Variants in KRT33A observed in about 807,000 individuals in gnomAD.
The protein encoded by KRT33A is keratin 33A.
Under a neutral mutation model 41.1 loss-of-function variants are expected in KRT33A, and 44 were observed. The observed-to-expected ratio is 1.07, with a 90% CI of 0.84 to 1.38. The LOEUF (loss-of-function observed/expected upper bound fraction) is 1.38. KRT33A is among the 40% of genes most tolerant of loss of function. The pLI is 0.00. For missense variants in KRT33A, 536 were observed against 518.5 expected, an observed-to-expected ratio of 1.03 and a Z score of -0.33; for synonymous variants, 229 against 227.8, an observed-to-expected ratio of 1.01 and a Z score of -0.05.
chr17:41,348,691 T>G (rs769015100), intron 2 of KRT33A, 52 bp from the exon 3 acceptor site: 1 of 1,594,526 alleles, frequency 6.3e-7, no homozygotes, highest in Non-Finnish European at 8.6e-7. Context: ...GGCCTGGCCT[T>G]GACTCTGCTT....
intron 1 of KRT33A, 92 bp from the exon 2 acceptor site, chr17:41,349,520 G>C: frequency 1.6e-6 from 2 of 1,277,908 alleles, no homozygotes; most frequent in Admixed American, 3.7e-5. Flanking sequence ...GGAAGGATCA[G>C]GATGTCTATC....
In KRT33A at chr17:41,346,505, G is replaced by T. The variant is rs548761610; in HGVS notation, c.1040C>A (p.Ala347Glu). ...QEYQVLLDVRARLECEINTYR... is the reference protein window; with the variant it reads ...QEYQVLLDVRERLECEINTYR... ...CGTGTTGATCTCACACTCCAGCCGC[G>T]CCCGCACGTCCAGCAGCACCTGATA... is the stretch of plus-strand genomic sequence containing the variant. Residue 347 changes from alanine (A) to glutamate (E), a missense_variant, in exon 6 of 7, where the codon GCG (alanine) becomes GAG (glutamate). Physicochemically the swap from Ala to Glu is moderately radical, Grantham distance 107 (BLOSUM62 -1). Coordinates refer to ENST00000007735, the MANE Select transcript of KRT33A (RefSeq NM_004138.4). 2.5e-6 allele frequency: 4 copies of T among 1,613,418 alleles called. No individual in the cohort carries two copies. The highest frequency in any genetic ancestry group is 2.5e-6 in the Non-Finnish European group (3 of 1,179,860).
rs113457895 is a variant in KRT33A at position 41,348,465 on chromosome 17, A to G, written c.588+18T>C. 2 of 1,613,146 alleles carry G rather than the reference A, an allele frequency of 1.2e-6. No homozygotes were observed. The highest frequency in any genetic ancestry group is 1.7e-5 in the Admixed American group (1 of 59,962). On this transcript the variant is annotated intron_variant, in intron 3 of 6. Coordinates refer to ENST00000007735, the MANE Select transcript of KRT33A (RefSeq NM_004138.4). ...AGGTCCTGGCTAGTCTGAGCCCATC[A>G]CTCTTCAGGGAACTCACCTGCTCAT...
intron 3 of KRT33A, 46 bp downstream of exon 3, chr17:41,348,437 A>C: frequency 6.2e-7 from 1 of 1,609,320 alleles, no homozygotes; most frequent in Non-Finnish European, 8.5e-7. Flanking sequence ...GCAGTTGTGA[A>C]ACAGGTCCTG....
rs1269512235 is a variant in KRT33A, at chr17:41,350,528, G to C, written c.240C>G (p.Asp80Glu). 2 of 1,614,070 alleles carry C rather than the reference G, an allele frequency of 1.2e-6. No homozygotes were observed. The highest frequency in any genetic ancestry group is 1.7e-5 in the Admixed American group (1 of 60,016). The change falls in exon 1 of 7, where the codon GAC becomes GAG. Residue 80 changes from aspartate (D) to glutamate (E), a missense_variant. Coordinates refer to ENST00000007735, the MANE Select transcript of KRT33A (RefSeq NM_004138.4). Reference sequence around the variant, plus strand: ...GGATGAGGTTCTCCAGCTCCGCGTTGTCCCGCTCCAGCTGACGCACCTTCT... The same window carrying C: ...GGATGAGGTTCTCCAGCTCCGCGTTCTCCCGCTCCAGCTGACGCACCTTCT... ...YLEKVRQLERDNAELENLIRE... is the reference protein window; with the variant it reads ...YLEKVRQLERENAELENLIRE...
chr17:41,349,325 A>T, intron 2 of KRT33A, 21 bp downstream of exon 2: 1 of 1,612,586 alleles, frequency 6.2e-7, no homozygotes, highest in Non-Finnish European at 8.5e-7. Context: ...ATAAACAGCA[A>T]CACCCCGCTT....
At chr17:41,349,540 G>A in intron 1 of KRT33A, 112 bp from the exon 2 acceptor site, 3 of 1,050,308 alleles carry the variant, frequency 2.9e-6, no homozygotes, top group Non-Finnish European at 2.9e-6. Flanking sequence ...CTTATTAAAT[G>A]CTTTCTATAT....
Position 41,346,435 on chromosome 17 carries a change from C to A in KRT33A, c.1097+13G>T, listed in dbSNP as rs367970848. On this transcript the variant is annotated intron_variant, in intron 6 of 6. Transcript: ENST00000007735. ...ACATGCCCCAAGGAGAAGATTACTA[C>A]CCCCATACTGACTTGCAGTCCTCGC... 154 of 1,613,804 alleles carry A rather than the reference C, an allele frequency of 9.5e-5. No homozygotes were observed. Among genetic ancestry groups the A allele is most frequent in the Non-Finnish European group, 1.3e-4 (149 of 1,179,890 alleles).
At chr17:41,349,510 G>C in intron 1 of KRT33A, 82 bp from the exon 2 acceptor site, 1 of 1,369,432 alleles carries the variant, frequency 7.3e-7, no homozygotes, top group Non-Finnish European at 1.0e-6. Flanking sequence ...TCACTTCCTT[G>C]GAAGGATCAG....
chr17:41,349,198 C>T (rs1296331569), intron 2 of KRT33A, 148 bp downstream of exon 2: 41 of 717,546 alleles, frequency 5.7e-5, no homozygotes, highest in Non-Finnish European at 7.6e-5. Flanking sequence ...CTCTGAGCTA[C>T]GGTGTGTGGT....
At position 41,346,828 on chromosome 17, in the gene KRT33A, T is replaced by A. The variant is rs1163924812; in HGVS notation, c.876+16A>T. On this transcript the variant is annotated intron_variant, in intron 5 of 6. Coordinates refer to ENST00000007735, the MANE Select transcript of KRT33A (RefSeq NM_004138.4). ...CAAGTTCCCATCGCTCACCAGCAGG[T>A]CTGAACAATACACACCAGGTTGTGC... The A allele has an allele frequency of 1.9e-6, 3 of 1,612,312 alleles. No individual in the cohort carries two copies. In the Admixed American group the frequency reaches 5.0e-5, roughly 27 times the overall value.
At position 41,346,843 on chromosome 17, in the gene KRT33A, C is replaced by T. The variant is rs968391732; in HGVS notation, c.876+1G>A. On this transcript the variant is annotated splice_donor_variant, in intron 5 of 6. Coordinates refer to ENST00000007735, the MANE Select transcript of KRT33A (RefSeq NM_004138.4). LOFTEE classifies it high-confidence loss of function. ...CACCAGCAGGTCTGAACAATACACA[C>T]CAGGTTGTGCTGGGCCTGCAGCTCG... The T allele has an allele frequency of 1.9e-6, 3 of 1,612,620 alleles. No homozygotes were observed. Among genetic ancestry groups the T allele is most frequent in the African/African-American group, 1.3e-5 (1 of 75,004 alleles).
intron 1 of KRT33A, among the ~76,000 whole-genome samples, chr17:41,349,982 T>C (rs1409670894): frequency 2.0e-5 from 3 of 152,086 alleles, no homozygotes; most frequent in Middle Eastern, 3.4e-3. Context: ...GTGAGGACAA[T>C]GAAATCAGGA....
chr17:41,347,184 G>A lies in KRT33A; in HGVS notation c.627C>T (p.Leu209=), dbSNP rs1459319395. 2 of 1,613,668 alleles carry A rather than the reference G, an allele frequency of 1.2e-6. No homozygotes were observed. Among genetic ancestry groups the A allele is most frequent in the African/African-American group, 2.7e-5 (2 of 75,022 alleles). ...TGGGAGCAGCGTCCACCTCCACGTT[G>A]AGGCGGTCTCCAAGCTGGCAGCGCA... The part of the protein sequence containing the change: ...NTLRCQLGDR[L]NVEVDAAPTV... The change falls in exon 4 of 7, where the codon CTC becomes CTT. Residue 209 remains leucine, a synonymous_variant. Transcript: ENST00000007735.
intron 1 of KRT33A, 102 bp downstream of exon 1, chr17:41,350,318 C>A: frequency 7.2e-7 from 1 of 1,393,078 alleles, no homozygotes. Flanking sequence ...GGCCAGTTTT[C>A]AGCTTTTCAT....
chr17:41,347,167 G>A lies in KRT33A; in HGVS notation c.644C>T (p.Ala215Val). The change falls in exon 4 of 7, where the codon GCT becomes GTT. Residue 215 changes from alanine to valine, a missense_variant. Coordinates refer to ENST00000007735, the MANE Select transcript of KRT33A (RefSeq NM_004138.4). ...CTGGTTCAGGTCCACAGTGGGAGCA[G>A]CGTCCACCTCCACGTTGAGGCGGTC... Reference protein sequence around the residue: ...LGDRLNVEVDAAPTVDLNQVL... With the variant: ...LGDRLNVEVDVAPTVDLNQVL... The A allele has an allele frequency of 6.2e-7, 1 of 1,614,202 alleles. No individual in the cohort carries two copies. The highest frequency in any genetic ancestry group is 8.5e-7 in the Non-Finnish European group (1 of 1,180,028).
At position 41,348,496 on chromosome 17, in the gene KRT33A, T is replaced by A; in HGVS notation, c.575A>T (p.Gln192Leu). 1 of 1,614,080 alleles carries A rather than the reference T, an allele frequency of 6.2e-7. No homozygotes were observed. Among genetic ancestry groups the A allele is most frequent in the Admixed American group, 1.7e-5 (1 of 60,026 alleles). The change falls in exon 3 of 7, where the codon CAG becomes CTG. Residue 192 changes from glutamine (Q) to leucine (L), a missense_variant. Coordinates refer to ENST00000007735, the MANE Select transcript of KRT33A (RefSeq NM_004138.4). ...SLKEELLCLK[Q>L]NHEQEVNTLR... is the part of the protein sequence containing the mutation. ...CAGGGAACTCACCTGCTCATGGTTC[T>A]GCTTGAGGCACAGCAGCTCCTCCTT...
intron 1 of KRT33A, 113 bp downstream of exon 1, chr17:41,350,307 A>C: frequency 1.6e-6 from 2 of 1,276,972 alleles, no homozygotes; most frequent in African/African-American, 1.5e-5. Flanking sequence ...CAAAATGGAA[A>C]GGCCAGTTTT....
chr17:41,349,926 G>A (rs2017480665), intron 1 of KRT33A, among the ~76,000 whole-genome samples: 1 of 152,052 alleles, frequency 6.6e-6, no homozygotes. Context: ...AACATTTTAG[G>A]CTCTCACTGG....
Sources: allele counts gnomAD v4.1 joint callset (sites outside exome capture counted in the v4.1 genomes callset), GRCh38; gene constraint gnomAD v4.1.1; transcripts MANE v1.5; gene names NCBI Gene and HGNC (gene_info 2026-07-23, HGNC 2026-07-21).